Variants in ARSL observed in about 807,000 individuals in gnomAD.
The protein encoded by ARSL is arylsulfatase L, also known as arylsulfatase E (chondrodysplasia punctata 1).
In ARSL, 4 loss-of-function variants were observed where a neutral mutation model predicts 31.1. The ratio of observed to expected loss-of-function variants is 0.13; its 90% CI spans 0.06 to 0.29. ARSL has a LOEUF of 0.29. ARSL is among the 10% of genes least tolerant of loss of function. The pLI, the probability that ARSL is intolerant of heterozygous loss-of-function variation, is 1.00. For missense variants in ARSL, 312 were observed against 497.8 expected, an observed-to-expected ratio of 0.63 and a Z score of 3.55; for synonymous variants, 198 against 209.9, an observed-to-expected ratio of 0.94 and a Z score of 0.49.
intron 1 of ARSL, among the ~76,000 whole-genome samples, chrX:2,962,102 A>G (rs761020487): frequency 9.1e-6 from 1 of 109,990 alleles, no homozygotes; most frequent in Non-Finnish European, 1.9e-5. Context: ...GAGTTGTTCC[A>G]CCTTTCTGGA....
chrX:2,944,010 C>A (rs1245487419), intron 7 of ARSL, among the ~76,000 whole-genome samples: 1 of 109,881 alleles, frequency 9.1e-6, no homozygotes, highest in African/African-American at 3.3e-5. Context: ...AAGAACTTGT[C>A]TCTACAAATA....
Position 2,934,741 on chromosome X carries a change from G to T in ARSL, c.*91C>A. 1 of 906,708 alleles carries T rather than the reference G, an allele frequency of 1.1e-6. No individual in the cohort carries two copies. The allele number at this position is 906,708 out of a possible 1,213,427, so 74.7% of individuals were successfully genotyped here. On this transcript the variant is annotated 3_prime_UTR_variant, in exon 11 of 11. Coordinates refer to ENST00000381134, the MANE Select transcript of ARSL (RefSeq NM_000047.3). The stretch of plus-strand genomic sequence containing the variant: ...TCCTCCTGTGGTGGCCTCCTAAAGT[G>T]CTGGGATGACAACCACCATGGCCAG...
In ARSL at chrX:2,949,339, G is replaced by C. The variant is rs763836878; in HGVS notation, c.819C>G (p.Pro273=). Residue 273 remains proline (P), a synonymous_variant, in exon 6 of 11, where the codon CCC becomes CCG. Coordinates refer to ENST00000381134, the MANE Select transcript of ARSL (RefSeq NM_000047.3). ...AGGACGCAACCTCCTGCAGAATAAG[G>C]GGTGTCGTTCTTTGGAAGCACATGG... The part of the protein sequence containing the change: ...EQPMCFQRTT[P]LILQEVASFL... 6.6e-6 allele frequency: 8 copies of C among 1,211,619 alleles called. No individual in the cohort carries two copies. The Admixed American group carries it at 1.5e-4, about 23-fold the overall frequency.
At chrX:2,949,845 A>G in intron 5 of ARSL, 118 bp from the exon 6 acceptor site, 1 of 845,921 alleles carries the variant, frequency 1.2e-6, no homozygotes, top group Non-Finnish European at 1.7e-6. Flanking sequence ...AGGAGATTGC[A>G]AAGAAGTGTG....
chrX:2,962,699 G>A (rs1468254361), intron 1 of ARSL, among the ~76,000 whole-genome samples: 1 of 111,760 alleles, frequency 8.9e-6, no homozygotes, highest in Non-Finnish European at 1.9e-5. Flanking sequence ...AGTCTTCTGA[G>A]AAAGACAATG....
intron 4 of ARSL, 109 bp downstream of exon 4, chrX:2,955,306 AC>A (rs1442563656): frequency 2.3e-5 from 22 of 972,211 alleles, no homozygotes; most frequent in South Asian, 6.6e-5. Context: ...TAGAGAGAAC[AC>A]CCCCCAGTCT....
At chrX:2,942,052 C>T (rs1305332082) in intron 8 of ARSL, among the ~76,000 whole-genome samples, 5 of 111,996 alleles carry the variant, frequency 4.5e-5, no homozygotes, top group African/African-American at 9.7e-5. Context: ...AAACAACCAG[C>T]GCCTGTATAC....
At chrX:2,943,434 T>C (rs1024223393) in intron 7 of ARSL, among the ~76,000 whole-genome samples, 6 of 110,780 alleles carry the variant, frequency 5.4e-5, no homozygotes, top group African/African-American at 2.0e-4. Context: ...GGACAAAATA[T>C]CAAAAACTTA....
intron 5 of ARSL, among the ~76,000 whole-genome samples, chrX:2,950,930 C>T (rs1046302738): frequency 1.8e-5 from 2 of 110,273 alleles, no homozygotes; most frequent in South Asian, 4.1e-4. Context: ...GGCTTGTGGT[C>T]GCCTCACTTT....
chrX:2,963,533 C>CTTTTTTTTTTTTTTTTT (rs769134287), intron 1 of ARSL, among the ~76,000 whole-genome samples: 1 of 59,805 alleles, frequency 1.7e-5, no homozygotes, highest in African/African-American at 7.6e-5. Context: ...TTTTCTTTTC[C>CTTTTTTTTTTTTTTTTT]TTTTTTTTTT....
intron 8 of ARSL, 29 bp from the exon 9 acceptor site, chrX:2,938,286 G>A: frequency 8.3e-7 from 1 of 1,205,986 alleles, no homozygotes; most frequent in Non-Finnish European, 1.1e-6. Flanking sequence ...AAAAGAAAGT[G>A]GTTAAAAACC....
At chrX:2,966,122 C>A (rs1037929474), upstream of ARSL, among the ~76,000 whole-genome samples, 2 of 112,050 alleles carry the variant, frequency 1.8e-5, no homozygotes, top group African/African-American at 6.5e-5. Flanking sequence ...AGTCACATAG[C>A]CTACCTGATC....
Position 2,938,176 on chromosome X carries a change from C to T in ARSL, c.1208G>A (p.Arg403Gln), listed in dbSNP as rs1456537486. 4.1e-6 allele frequency: 5 copies of T among 1,210,678 alleles called. No individual in the cohort carries two copies. Among genetic ancestry groups the T allele is most frequent in the East Asian group, 5.9e-5 (2 of 33,764 alleles). ...FRWPGVLPAG[R>Q]VIGEPTSLMD... ...CAGACTCGTGGGCTCGCCAATCACT[C>T]GGCCGGCCGGGAGCACCCCGGGCCA... The change falls in exon 9 of 11, where the codon CGA becomes CAA. Residue 403 changes from arginine to glutamine, a missense_variant. Physicochemically the swap from Arg to Gln is conservative, Grantham distance 43. Coordinates refer to ENST00000381134, the MANE Select transcript of ARSL (RefSeq NM_000047.3).
upstream of ARSL, among the ~76,000 whole-genome samples, chrX:2,964,903 G>C (rs1049043041): frequency 3.6e-5 from 4 of 110,830 alleles, no homozygotes; most frequent in Admixed American, 3.9e-4. Context: ...CCAGGACTTC[G>C]AGACCAGCCC....
chrX:2,936,825 C>T lies in ARSL; in HGVS notation c.1328G>A (p.Gly443Glu). 1.7e-6 allele frequency: 2 copies of T among 1,211,585 alleles called. No homozygotes were observed. Among genetic ancestry groups the T allele is most frequent in the Non-Finnish European group, 2.2e-6 (2 of 895,424 alleles). Residue 443 changes from glycine to glutamate, a missense_variant, in exon 10 of 11, where the codon GGG becomes GAG. Gly to Glu is a moderately conservative substitution (Grantham distance 98). Coordinates refer to ENST00000381134, the MANE Select transcript of ARSL (RefSeq NM_000047.3). ...DGQDLLPLLL[G>E]TAQHSDHEFL... ...CTCGTGGTCTGAGTGTTGGGCTGTCCCCAGGAGCAAGGGCAGAAGGTCTTG... is the reference window on the plus strand; with the variant it reads ...CTCGTGGTCTGAGTGTTGGGCTGTCTCCAGGAGCAAGGGCAGAAGGTCTTG...
intron 7 of ARSL, among the ~76,000 whole-genome samples, chrX:2,944,273 G>A (rs374177475): frequency 9.2e-6 from 1 of 109,063 alleles, no homozygotes. Context: ...GGCCAACATG[G>A]TGAAACCCCA....
intron 5 of ARSL, among the ~76,000 whole-genome samples, chrX:2,950,826 T>G (rs780381316): frequency 1.7e-4 from 19 of 111,051 alleles, no homozygotes; most frequent in African/African-American, 5.6e-4. Context: ...AAGAAGAGGA[T>G]AGTAGGACAC....
chrX:2,951,148 A>C, intron 5 of ARSL, among the ~76,000 whole-genome samples: 1 of 111,659 alleles, frequency 9.0e-6, no homozygotes, highest in East Asian at 2.8e-4. Context: ...CATCTCTGGG[A>C]CCATTATTTA....
chrX:2,936,803 G>T lies in ARSL; in HGVS notation c.1350C>A (p.His450Gln). The change falls in exon 10 of 11, where the codon CAC (histidine) becomes CAA (glutamine). Residue 450 changes from histidine to glutamine, a missense_variant. By Grantham distance (24) the His-to-Gln change is conservative. Transcript: ENST00000381134. ...TCTCACAATAATGCATCAGGAACTC[G>T]TGGTCTGAGTGTTGGGCTGTCCCCA... Reference protein sequence around the residue: ...LLLGTAQHSDHEFLMHYCERF... With the variant: ...LLLGTAQHSDQEFLMHYCERF... 8.3e-7 allele frequency: 1 copy of T among 1,211,493 alleles called. No homozygotes were observed. The highest frequency in any genetic ancestry group is 1.1e-6 in the Non-Finnish European group (1 of 895,369).
Sources: allele counts gnomAD v4.1 joint callset (sites outside exome capture counted in the v4.1 genomes callset), GRCh38; gene constraint gnomAD v4.1.1; transcripts MANE v1.5; gene names NCBI Gene and HGNC (gene_info 2026-07-23, HGNC 2026-07-21).